ZNF385D: variants seen among roughly 807,000 people sequenced by gnomAD.
ZNF385D encodes the protein zinc finger protein 385D, also known as zinc finger protein 659.
Under a neutral mutation model 35.8 loss-of-function variants are expected in ZNF385D, and 15 were observed. The observed-to-expected ratio is 0.42, with a 90% CI of 0.28 to 0.64. ZNF385D has a LOEUF of 0.64. Ranked by LOEUF, ZNF385D falls within the 30% of genes least tolerant of loss-of-function variation. The pLI is 0.23. For missense variants in ZNF385D, 474 were observed against 494.6 expected (o/e 0.96, Z 0.39); for synonymous variants, 212 against 186.8 (o/e 1.13, Z -1.10).
intron 1 of ZNF385D, among the ~76,000 whole-genome samples, chr3:21,722,927 T>C (rs529578048): frequency 2.2e-4 from 33 of 152,326 alleles, no homozygotes; most frequent in African/African-American, 7.7e-4. Flanking sequence ...TATGACCTGG[T>C]TGTCCTCAAT....
chr3:22,113,972 T>A (rs986266520), intron 3 of ZNF385D, among the ~76,000 whole-genome samples: 1 of 152,102 alleles, frequency 6.6e-6, no homozygotes, highest in African/African-American at 2.4e-5. Flanking sequence ...TCAGTTTACC[T>A]TTAACATAAT....
At chr3:21,633,195 T>A (rs12634045) in intron 2 of ZNF385D, among the ~76,000 whole-genome samples, 43,789 of 151,830 alleles carry the variant, frequency 0.29, 6,553 homozygotes, top group Admixed American at 0.34. Context: ...AATACAACAG[T>A]ACAACTAAAT....
At chr3:22,028,840 G>A (rs1216698809) in intron 3 of ZNF385D, among the ~76,000 whole-genome samples, 1 of 152,190 alleles carries the variant, frequency 6.6e-6, no homozygotes, top group African/African-American at 2.4e-5. Context: ...GCCTTTGGAA[G>A]TCACAAATAC....
At chr3:21,865,551 A>G (rs1697300718) in intron 3 of ZNF385D, among the ~76,000 whole-genome samples, 1 of 152,152 alleles carries the variant, frequency 6.6e-6, no homozygotes, top group African/African-American at 2.4e-5. Flanking sequence ...GTCAATGTGC[A>G]TTCTTGAATA....
intron 3 of ZNF385D, among the ~76,000 whole-genome samples, chr3:21,939,862 A>G (rs970342401): frequency 2.0e-5 from 3 of 152,216 alleles, no homozygotes; most frequent in Non-Finnish European, 4.4e-5. Context: ...TAAGTAAAGC[A>G]CAGTTCCTTG....
At chr3:21,969,479 G>A (rs1318756764) in intron 3 of ZNF385D, among the ~76,000 whole-genome samples, 1 of 152,162 alleles carries the variant, frequency 6.6e-6, no homozygotes, top group Non-Finnish European at 1.5e-5. Context: ...TGAGCTGTGA[G>A]TCAATTAAAT....
At chr3:21,640,393 C>T (rs1402498604) in intron 2 of ZNF385D, among the ~76,000 whole-genome samples, 2 of 152,186 alleles carry the variant, frequency 1.3e-5, no homozygotes, top group East Asian at 3.9e-4. Flanking sequence ...ACGCTAGAAA[C>T]TCAGATGCTT....
intron 3 of ZNF385D, among the ~76,000 whole-genome samples, chr3:21,977,860 A>G (rs778597376): frequency 4.6e-5 from 7 of 151,988 alleles, no homozygotes; most frequent in Non-Finnish European, 1.0e-4. Context: ...CAAACAAACA[A>G]AAAAGATGAT....
At position 22,165,624 on chromosome 3, in the gene ZNF385D, A is replaced by G. The variant is rs80351943; in HGVS notation, c.325+3193T>C. Among the ~76,000 whole-genome samples, 1,028 of 152,296 alleles carry G rather than the reference A, an allele frequency of 6.8e-3. 10 individuals are homozygous for G. The highest frequency in any genetic ancestry group is 0.023 in the African/African-American group (956 of 41,566). On this transcript the variant is annotated intron_variant, in intron 3 of 5. Coordinates refer to the ZNF385D transcript ENST00000494108. Reference sequence around the variant, plus strand: ...TTAGGTTTGCTTTCATAACTCTGAGATTTAGTACAGGAATATAGCATTTCT... The same window carrying G: ...TTAGGTTTGCTTTCATAACTCTGAGGTTTAGTACAGGAATATAGCATTTCT...
intron 2 of ZNF385D, among the ~76,000 whole-genome samples, chr3:22,178,329 T>C (rs1456093767): frequency 6.6e-6 from 1 of 152,256 alleles, no homozygotes; most frequent in South Asian, 2.1e-4. Flanking sequence ...ATTTCTCTGA[T>C]GGCCAGTGAT....
chr3:21,976,234 T>C (rs777676901), intron 3 of ZNF385D, among the ~76,000 whole-genome samples: 8 of 152,120 alleles, frequency 5.3e-5, no homozygotes, highest in Non-Finnish European at 1.2e-4. Context: ...AGACTGGTAA[T>C]GACAACACAT....
chr3:22,213,627 A>G (rs894949184), intron 2 of ZNF385D, among the ~76,000 whole-genome samples: 2 of 152,034 alleles, frequency 1.3e-5, no homozygotes, highest in African/African-American at 2.4e-5. Flanking sequence ...CCACTTAACT[A>G]TAACACAAGT....
intron 1 of ZNF385D, among the ~76,000 whole-genome samples, chr3:21,740,897 A>G (rs1229227071): frequency 6.6e-6 from 1 of 152,214 alleles, no homozygotes; most frequent in Admixed American, 6.5e-5. Flanking sequence ...CCACCTTCAG[A>G]GAATTTGGTT....
intron 2 of ZNF385D, among the ~76,000 whole-genome samples, chr3:22,337,049 T>C (rs1400092056): frequency 6.6e-6 from 1 of 151,582 alleles, no homozygotes; most frequent in Non-Finnish European, 1.5e-5. Context: ...TTCATTTACC[T>C]GCTGTCAAAG....
chr3:21,762,531 A>C (rs896832935), intron 3 of ZNF385D, among the ~76,000 whole-genome samples: 2 of 152,062 alleles, frequency 1.3e-5, no homozygotes, highest in African/African-American at 2.4e-5. Flanking sequence ...CTTGGATCTT[A>C]CTAGTTCTCT....
intron 3 of ZNF385D, among the ~76,000 whole-genome samples, chr3:22,059,891 G>A (rs1699605598): frequency 6.6e-6 from 1 of 152,166 alleles, no homozygotes; most frequent in Non-Finnish European, 1.5e-5. Flanking sequence ...ACTGAATAAA[G>A]AAGATCCACC....
intron 1 of ZNF385D, among the ~76,000 whole-genome samples, chr3:21,744,395 T>G (rs1053917612): frequency 6.6e-6 from 1 of 152,204 alleles, no homozygotes; most frequent in Admixed American, 6.5e-5. Flanking sequence ...TGAAAAAAGG[T>G]AAGTGTGAAG....
chr3:22,182,922 T>C (rs893855326), intron 2 of ZNF385D, among the ~76,000 whole-genome samples: 2 of 152,090 alleles, frequency 1.3e-5, no homozygotes, highest in Non-Finnish European at 2.9e-5. Context: ...TATATTTAGA[T>C]TTAAGCTCCA....
intron 3 of ZNF385D, among the ~76,000 whole-genome samples, chr3:21,531,453 CATAT>C (rs902771050): frequency 2.6e-5 from 4 of 152,104 alleles, no homozygotes; most frequent in African/African-American, 9.7e-5. Context: ...AAAAACCCTG[CATAT>C]ATAAATTTAT....
Sources: gnomAD v4.1 joint callset for allele counts (sites outside exome capture counted in the v4.1 genomes callset) on GRCh38, gnomAD v4.1.1 for gene constraint, MANE v1.5 for transcripts, NCBI Gene and HGNC (gene_info 2026-07-23, HGNC 2026-07-21) for gene names.